Variants in PKN2 observed in about 807,000 individuals in gnomAD.
PKN2 encodes protein kinase N2.
Under a neutral mutation model 119.1 loss-of-function variants are expected in PKN2, and 38 were observed. The observed-to-expected ratio is 0.32, with a 90% CI of 0.25 to 0.42. The LOEUF (loss-of-function observed/expected upper bound fraction) is 0.42, where lower values mean the gene tolerates loss of function less well. Ranked by LOEUF, PKN2 falls within the 10% of genes least tolerant of loss-of-function variation. The probability of loss-of-function intolerance (pLI) is 1.00; values close to 1 mark genes in which losing one functional copy is unlikely to be tolerated. For synonymous variants in PKN2, 390 were observed against 384.9 expected (o/e 1.01, Z -0.15); for missense variants, 850 against 1,165.1 (o/e 0.73, Z 3.94).
In PKN2 at chr1:88,771,503, TG is replaced by T; in HGVS notation, c.706del (p.Ala236GlnfsTer4). 6.2e-7 allele frequency: 1 copy of T among 1,609,044 alleles called. No homozygotes were observed. Among genetic ancestry groups the T allele is most frequent in the Non-Finnish European group, 8.5e-7 (1 of 1,177,778 alleles). ...GGATAGAGTTTGCAGTAGCAGAAGG[TG>T]CAAAGAATGTAATGAAATTACTTGG... is the stretch of plus-strand genomic sequence containing the variant. ...FRIEFAVAEG[A>X]KNVMKLLGSG... is the part of the protein sequence containing the mutation. On this transcript the variant is annotated frameshift_variant, in exon 5 of 22. Coordinates refer to ENST00000370521, the MANE Select transcript of PKN2 (RefSeq NM_006256.4). LOFTEE classifies it high-confidence loss of function.
intron 19 of PKN2, among the ~76,000 whole-genome samples, chr1:88,829,955 A>G (rs1054414053): frequency 6.6e-6 from 1 of 152,220 alleles, no homozygotes; most frequent in Non-Finnish European, 1.5e-5. Context: ...TTTGAAGTGG[A>G]TTCCTTGGAA....
chr1:88,712,043 G>A (rs1667253231), intron 1 of PKN2, among the ~76,000 whole-genome samples: 1 of 151,966 alleles, frequency 6.6e-6, no homozygotes, highest in South Asian at 2.1e-4. Flanking sequence ...GTGCTAAGGT[G>A]AATAAACTTT....
At chr1:88,724,733 G>A (rs1474120442) in intron 1 of PKN2, among the ~76,000 whole-genome samples, 8 of 150,782 alleles carry the variant, frequency 5.3e-5, no homozygotes, top group African/African-American at 1.7e-4. Context: ...CACCATGCCC[G>A]GCTAATTTTT....
chr1:88,747,350 C>T (rs372595989), intron 2 of PKN2, among the ~76,000 whole-genome samples: 29 of 152,174 alleles, frequency 1.9e-4, no homozygotes, highest in East Asian at 5.8e-4. Context: ...TGTAATGAAA[C>T]ATCACATTAT....
At chr1:88,695,258 A>C (rs947521055) in intron 1 of PKN2, among the ~76,000 whole-genome samples, 3 of 152,256 alleles carry the variant, frequency 2.0e-5, no homozygotes, top group Non-Finnish European at 4.4e-5. Flanking sequence ...TGCAAAAATT[A>C]ATCAAATATG....
At chr1:88,820,543 ATAAAT>A (rs1672236303) in intron 16 of PKN2, among the ~76,000 whole-genome samples, 1 of 146,768 alleles carries the variant, frequency 6.8e-6, no homozygotes, top group African/African-American at 2.6e-5. Flanking sequence ...CAAAAAAAAA[ATAAAT>A]AAAATAAATA....
intron 1 of PKN2, among the ~76,000 whole-genome samples, chr1:88,710,204 A>T (rs1428799553): frequency 6.6e-6 from 1 of 152,202 alleles, no homozygotes; most frequent in East Asian, 1.9e-4. Context: ...AAATTAGAAT[A>T]TATTAAGTGC....
intron 2 of PKN2, among the ~76,000 whole-genome samples, chr1:88,744,400 T>C (rs1452214039): frequency 6.6e-6 from 1 of 152,194 alleles, no homozygotes; most frequent in Non-Finnish European, 1.5e-5. Flanking sequence ...ATCATTACTG[T>C]CTAAGTGGTT....
chr1:88,831,261 A>G (rs1672722884), intron 19 of PKN2, among the ~76,000 whole-genome samples: 1 of 151,726 alleles, frequency 6.6e-6, no homozygotes, highest in Non-Finnish European at 1.5e-5. Context: ...AAAAGATACT[A>G]CATATTTTAA....
At chr1:88,755,730 A>G (rs1005333294) in intron 2 of PKN2, among the ~76,000 whole-genome samples, 2 of 152,200 alleles carry the variant, frequency 1.3e-5, no homozygotes, top group African/African-American at 4.8e-5. Flanking sequence ...AATCAAGACC[A>G]TACCAATGAG....
intron 1 of PKN2, among the ~76,000 whole-genome samples, chr1:88,708,619 T>TC: frequency 8.5e-6 from 1 of 117,568 alleles, no homozygotes; most frequent in East Asian, 2.2e-4. Context: ...ACATAAAACT[T>TC]TTTTTTTTTT....
chr1:88,817,123 T>C (rs1672026242), intron 16 of PKN2, among the ~76,000 whole-genome samples: 1 of 152,106 alleles, frequency 6.6e-6, no homozygotes, highest in Non-Finnish European at 1.5e-5. Context: ...CCAATATCCC[T>C]GATGAACATC....
intron 1 of PKN2, among the ~76,000 whole-genome samples, chr1:88,714,033 T>C (rs1489942246): frequency 6.6e-6 from 1 of 152,212 alleles, no homozygotes; most frequent in Non-Finnish European, 1.5e-5. Context: ...ACTTATTAAA[T>C]AGGGAATCCT....
At chr1:88,719,158 G>A (rs1467490589) in intron 1 of PKN2, among the ~76,000 whole-genome samples, 1 of 152,198 alleles carries the variant, frequency 6.6e-6, no homozygotes, top group Non-Finnish European at 1.5e-5. Context: ...AATCACATTT[G>A]TGTCAAATTG....
intron 18 of PKN2, among the ~76,000 whole-genome samples, chr1:88,825,307 C>T (rs1481727289): frequency 2.6e-5 from 4 of 152,136 alleles, no homozygotes; most frequent in Non-Finnish European, 5.9e-5. Flanking sequence ...CTCTTCACTG[C>T]AATTTTTTGA....
chr1:88,795,863 G>GT (rs1236670548), intron 8 of PKN2, among the ~76,000 whole-genome samples: 1 of 152,174 alleles, frequency 6.6e-6, no homozygotes, highest in Non-Finnish European at 1.5e-5. Context: ...ATTGACTTAT[G>GT]TACTGGAGTT....
At chr1:88,804,807 A>G (rs1557623471) in intron 9 of PKN2, 39 bp from the exon 10 acceptor site, 4 of 1,087,132 alleles carry the variant, frequency 3.7e-6, no homozygotes, top group Non-Finnish European at 5.5e-6. Flanking sequence ...TTCATGAACC[A>G]TGCTATTTTC....
intron 9 of PKN2, 115 bp from the exon 10 acceptor site, chr1:88,804,731 T>C (rs1215664786): frequency 4.0e-6 from 3 of 756,744 alleles, no homozygotes; most frequent in South Asian, 1.9e-5. Context: ...ATGTAGAAAA[T>C]GAGGGGCTGG....
intron 3 of PKN2, among the ~76,000 whole-genome samples, chr1:88,765,299 A>C (rs918698534): frequency 1.3e-5 from 2 of 150,788 alleles, no homozygotes; most frequent in Non-Finnish European, 3.0e-5. Context: ...AAAAAAAAAG[A>C]CATGTCTCCT....
Sources: gnomAD v4.1 joint callset for allele counts (sites outside exome capture counted in the v4.1 genomes callset) on GRCh38, gnomAD v4.1.1 for gene constraint, MANE v1.5 for transcripts, NCBI Gene and HGNC (gene_info 2026-07-23, HGNC 2026-07-21) for gene names.